Variants in NLGN4X observed in about 807,000 individuals in gnomAD.
NLGN4X encodes neuroligin 4 X-linked, also known as neuroligin-4, X-linked.
A neutral mutation model predicts 40.3 loss-of-function variants in NLGN4X; 3 were observed. The observed-to-expected ratio is 0.07, with a 90% CI of 0.03 to 0.19. The LOEUF is 0.19. Ranked by LOEUF, NLGN4X falls within the 10% of genes least tolerant of loss-of-function variation. The probability of loss-of-function intolerance (pLI) is 1.00; values close to 1 mark genes in which losing one functional copy is unlikely to be tolerated. For synonymous variants in NLGN4X, 270 were observed against 306.8 expected (o/e 0.88, Z 1.25); for missense variants, 382 against 708.3 (o/e 0.54, Z 5.23).
At chrX:6,215,564 AG>A (rs1245458005) in intron 1 of NLGN4X, among the ~76,000 whole-genome samples, 1 of 109,607 alleles carries the variant, frequency 9.1e-6, no homozygotes, top group Non-Finnish European at 1.9e-5. Flanking sequence ...AAAAAAAAAA[AG>A]GATGAGGATA....
At chrX:6,073,033 G>A (rs189830699) in intron 2 of NLGN4X, among the ~76,000 whole-genome samples, 27 of 112,294 alleles carry the variant, frequency 2.4e-4, no homozygotes, top group East Asian at 2.8e-4. Flanking sequence ...CCTCAATCCT[G>A]TTCTGACACC....
At chrX:5,953,461 G>A (rs1040534246) in intron 3 of NLGN4X, among the ~76,000 whole-genome samples, 13 of 111,880 alleles carry the variant, frequency 1.2e-4, no homozygotes, top group Middle Eastern at 4.6e-3. Flanking sequence ...ACTAAAGAGT[G>A]GATTTGGAAT....
chrX:6,141,892 T>C (rs1164921599), intron 2 of NLGN4X, among the ~76,000 whole-genome samples: 1 of 111,514 alleles, frequency 9.0e-6, no homozygotes, highest in Non-Finnish European at 1.9e-5. Context: ...GGAAAATAAA[T>C]AACCATGTTC....
At chrX:6,105,444 A>C (rs780001487) in intron 2 of NLGN4X, among the ~76,000 whole-genome samples, 1 of 112,468 alleles carries the variant, frequency 8.9e-6, no homozygotes, top group Non-Finnish European at 1.9e-5. Flanking sequence ...AAAAAAAAGT[A>C]CATTAGATTA....
At chrX:6,040,136 C>T (rs1263908629) in intron 2 of NLGN4X, among the ~76,000 whole-genome samples, 2 of 110,858 alleles carry the variant, frequency 1.8e-5, no homozygotes, top group East Asian at 5.7e-4. Context: ...GATAAAGTCT[C>T]ACTATGTTGT....
intron 2 of NLGN4X, among the ~76,000 whole-genome samples, chrX:6,081,201 T>C (rs1035699698): frequency 2.7e-5 from 3 of 111,639 alleles, no homozygotes; most frequent in Non-Finnish European, 5.7e-5. Flanking sequence ...GGTGGGAGGA[T>C]TGCTTGAGCC....
intron 3 of NLGN4X, among the ~76,000 whole-genome samples, chrX:5,987,010 G>T (rs1213321274): frequency 9.0e-6 from 1 of 111,031 alleles, no homozygotes; most frequent in Non-Finnish European, 1.9e-5. Flanking sequence ...GAGAAAGGAG[G>T]GTGCCTGAAA....
chrX:5,983,930 C>T (rs1336373548), intron 3 of NLGN4X, among the ~76,000 whole-genome samples: 2 of 111,547 alleles, frequency 1.8e-5, no homozygotes, highest in Non-Finnish European at 3.8e-5. Flanking sequence ...ACAACCTCTC[C>T]AGCCTGGGCA....
At chrX:5,908,954 G>T in intron 4 of NLGN4X, 100 bp downstream of exon 4, 1 of 935,461 alleles carries the variant, frequency 1.1e-6, no homozygotes, top group South Asian at 2.3e-5. Context: ...TTGCCAGAGT[G>T]ACTTCTGGTA....
At chrX:6,143,915 G>A (rs923669727) in intron 2 of NLGN4X, among the ~76,000 whole-genome samples, 5 of 111,914 alleles carry the variant, frequency 4.5e-5, no homozygotes, top group Admixed American at 1.9e-4. Flanking sequence ...TAAAAAATCT[G>A]CCACCATTTT....
rs779642817 is a variant in NLGN4X, at chrX:6,087,737, A to G, written c.473-58305T>C. Among the ~76,000 whole-genome samples, 17 of 111,914 alleles carry G rather than the reference A, an allele frequency of 1.5e-4. No individual in the cohort carries two copies. The Admixed American group carries it at 1.5e-3, about 10-fold the overall frequency. On this transcript the variant is annotated intron_variant, in intron 2 of 5. Coordinates refer to ENST00000381095, the MANE Select transcript of NLGN4X (RefSeq NM_181332.3). The stretch of plus-strand genomic sequence containing the variant: ...AAACTGTGAGAGTGCTCATTTTTCC[A>G]TGCCCAAAGATAACTGAACTGAGTT...
chrX:5,906,836 C>T (rs1017632233), intron 4 of NLGN4X, among the ~76,000 whole-genome samples: 7 of 111,200 alleles, frequency 6.3e-5, no homozygotes, highest in Admixed American at 5.7e-4. Flanking sequence ...AATAATCATT[C>T]GGGAGGTCGA....
At chrX:6,130,028 G>A (rs892301263) in intron 2 of NLGN4X, among the ~76,000 whole-genome samples, 4 of 109,572 alleles carry the variant, frequency 3.7e-5, no homozygotes, top group Non-Finnish European at 5.7e-5. Context: ...TGAGACTACA[G>A]GTACGTGCCA....
chrX:6,042,962 G>C lies in NLGN4X; in HGVS notation c.473-13530C>G, dbSNP rs1023272417. On this transcript the variant is annotated intron_variant, in intron 2 of 5. Coordinates refer to ENST00000381095, the MANE Select transcript of NLGN4X (RefSeq NM_181332.3). The stretch of plus-strand genomic sequence containing the variant: ...ATGGTGTCACATGCCTGTAATCACA[G>C]CTACTTGGGAGACTGAGGCACAAGA... 1.2e-4 allele frequency among the ~76,000 whole-genome samples: 13 copies of C among 105,321 alleles called. No individual in the cohort carries two copies. In the Admixed American group the frequency reaches 1.4e-3, roughly 11 times the overall value. 91.5% of individuals were successfully genotyped at this position (105,321 alleles called of 115,157 possible). A position where few individuals can be genotyped will look rare whatever the true frequency, so the allele number is the denominator to read the frequency against.
chrX:5,949,229 T>C (rs1204928095), intron 3 of NLGN4X, among the ~76,000 whole-genome samples: 1 of 112,025 alleles, frequency 8.9e-6, no homozygotes, highest in East Asian at 2.8e-4. Context: ...TCCATTTCTA[T>C]CTATCACACC....
At chrX:6,029,541 A>C in intron 2 of NLGN4X, 109 bp from the exon 3 acceptor site, 1 of 791,739 alleles carries the variant, frequency 1.3e-6, no homozygotes, top group African/African-American at 2.1e-5. Flanking sequence ...GACTTGAATT[A>C]AGCACATTTA....
chrX:6,140,258 G>A (rs1300023901), intron 2 of NLGN4X, among the ~76,000 whole-genome samples: 1 of 111,455 alleles, frequency 9.0e-6, no homozygotes, highest in Non-Finnish European at 1.9e-5. Context: ...CTTGAGGACC[G>A]TGCAGACACC....
chrX:5,960,621 A>G (rs1247087646), intron 3 of NLGN4X, among the ~76,000 whole-genome samples: 2 of 111,778 alleles, frequency 1.8e-5, no homozygotes, highest in Non-Finnish European at 3.8e-5. Context: ...GTGTGTGACA[A>G]GCTTAATTAA....
At chrX:6,113,152 G>C (rs1468075853) in intron 2 of NLGN4X, among the ~76,000 whole-genome samples, 1 of 110,941 alleles carries the variant, frequency 9.0e-6, no homozygotes, top group East Asian at 2.9e-4. Context: ...ATCCTGGATA[G>C]GATTTGAGGA....
Sources: gnomAD v4.1 joint callset for allele counts (sites outside exome capture counted in the v4.1 genomes callset) on GRCh38, gnomAD v4.1.1 for gene constraint, MANE v1.5 for transcripts, NCBI Gene and HGNC (gene_info 2026-07-23, HGNC 2026-07-21) for gene names.